TBX20: variants seen among roughly 807,000 people sequenced by gnomAD.
TBX20 encodes the protein T-box transcription factor TBX20.
A neutral mutation model predicts 42.9 loss-of-function variants in TBX20; 8 were observed. The observed-to-expected ratio is 0.19, with a 90% CI of 0.11 to 0.34. The LOEUF is 0.34. Ranked by LOEUF, TBX20 falls within the 10% of genes least tolerant of loss-of-function variation. The pLI is 1.00. For synonymous variants in TBX20, 198 were observed against 222.8 expected, an observed-to-expected ratio of 0.89 and a Z score of 0.99; for missense variants, 411 against 566.0, an observed-to-expected ratio of 0.73 and a Z score of 2.78.
At chr7:35,244,144 C>T (rs17606698) in intron 4 of TBX20, among the ~76,000 whole-genome samples, 55,492 of 151,926 alleles carry the variant, frequency 0.37, 10,483 homozygotes, top group Admixed American at 0.46. Context: ...TATGGAAGTC[C>T]ATCTAAAGTT....
At chr7:35,221,227 G>A (rs1273786998) in intron 6 of TBX20, among the ~76,000 whole-genome samples, 1 of 148,410 alleles carries the variant, frequency 6.7e-6, no homozygotes, top group Non-Finnish European at 1.5e-5. Context: ...CGTTGAGGGA[G>A]GAGAAGTACA....
chr7:35,209,897 T>C (rs2128710446), intron 6 of TBX20, among the ~76,000 whole-genome samples: 1 of 152,320 alleles, frequency 6.6e-6, no homozygotes, highest in East Asian at 1.9e-4. Flanking sequence ...CCTCTTGATG[T>C]CTTCCTTCCC....
chr7:35,221,894 A>C (rs1789689975), intron 6 of TBX20, among the ~76,000 whole-genome samples: 1 of 152,214 alleles, frequency 6.6e-6, no homozygotes, highest in Non-Finnish European at 1.5e-5. Context: ...AGATGATAAG[A>C]AAGACCAAGG....
chr7:35,247,241 TAA>T (rs1790211133), intron 3 of TBX20, among the ~76,000 whole-genome samples: 1 of 151,542 alleles, frequency 6.6e-6, no homozygotes, highest in Admixed American at 6.6e-5. Flanking sequence ...CTCTCAGGTT[TAA>T]AACGGTATTG....
At chr7:35,224,094 A>T (rs1789729070) in intron 6 of TBX20, among the ~76,000 whole-genome samples, 1 of 152,252 alleles carries the variant, frequency 6.6e-6, no homozygotes, top group South Asian at 2.1e-4. Context: ...AGACTAAAAA[A>T]GTTGTTAAAG....
At chr7:35,210,125 T>G (rs1408763250) in intron 6 of TBX20, among the ~76,000 whole-genome samples, 15 of 149,660 alleles carry the variant, frequency 1.0e-4, no homozygotes, top group Admixed American at 1.0e-3. Context: ...TTTTTTTTTT[T>G]TTTTTTTGAG....
intron 1 of TBX20, among the ~76,000 whole-genome samples, chr7:35,252,142 G>A (rs1050513965): frequency 3.3e-5 from 5 of 152,288 alleles, no homozygotes; most frequent in African/African-American, 4.8e-5. Context: ...CACTTCTGTC[G>A]GGAATCCTCT....
chr7:35,231,783 G>T (rs1301875309), intron 5 of TBX20, among the ~76,000 whole-genome samples: 1 of 152,192 alleles, frequency 6.6e-6, no homozygotes, highest in Admixed American at 6.5e-5. Context: ...CAGAGAGGAG[G>T]TATTGAGGAC....
chr7:35,226,850 CCTT>C (rs1584348402), intron 6 of TBX20, among the ~76,000 whole-genome samples: 2 of 151,910 alleles, frequency 1.3e-5, no homozygotes, highest in African/African-American at 4.8e-5. Flanking sequence ...ACGGTGTACT[CCTT>C]CTACTTATCA....
intron 6 of TBX20, among the ~76,000 whole-genome samples, chr7:35,208,782 A>G (rs1263538137): frequency 2.5e-5 from 3 of 119,920 alleles, no homozygotes; most frequent in African/African-American, 6.2e-5. Flanking sequence ...AAAAAAAAAA[A>G]GAACAGACAT....
intron 5 of TBX20, among the ~76,000 whole-genome samples, chr7:35,234,659 C>T (rs1025475023): frequency 6.6e-6 from 1 of 151,700 alleles, no homozygotes; most frequent in Non-Finnish European, 1.5e-5. Flanking sequence ...TCTTATACAC[C>T]CAGATTTACC....
intron 3 of TBX20, 92 bp downstream of exon 3, chr7:35,248,585 T>TA: frequency 6.9e-7 from 1 of 1,457,466 alleles, no homozygotes; most frequent in Non-Finnish European, 9.6e-7. Flanking sequence ...CCCGCTGCTT[T>TA]AAAAATACAC....
chr7:35,250,790 G>T (rs184544025), intron 1 of TBX20, among the ~76,000 whole-genome samples: 1 of 152,302 alleles, frequency 6.6e-6, no homozygotes, highest in Non-Finnish European at 1.5e-5. Context: ...CTCTGTGCCT[G>T]ACTTTCAGTT....
chr7:35,215,477 G>C (rs1408468245), intron 6 of TBX20, among the ~76,000 whole-genome samples: 2 of 152,152 alleles, frequency 1.3e-5, no homozygotes, highest in Non-Finnish European at 2.9e-5. Context: ...CCTGAAAAAT[G>C]AGAATGGCTC....
At chr7:35,215,514 T>C (rs930397373) in intron 6 of TBX20, among the ~76,000 whole-genome samples, 3 of 152,186 alleles carry the variant, frequency 2.0e-5, no homozygotes, top group African/African-American at 7.2e-5. Context: ...GATTTAGGTA[T>C]CACAAGCTAA....
intron 6 of TBX20, among the ~76,000 whole-genome samples, chr7:35,229,972 G>A (rs1414999444): frequency 1.3e-5 from 2 of 152,078 alleles, no homozygotes; most frequent in East Asian, 3.9e-4. Flanking sequence ...GCAGAGGTGA[G>A]ACTCTAAGCC....
intron 1 of TBX20, among the ~76,000 whole-genome samples, chr7:35,251,718 T>C (rs1790309126): frequency 6.6e-6 from 1 of 152,196 alleles, no homozygotes; most frequent in Admixed American, 6.5e-5. Flanking sequence ...ATAGACTTTG[T>C]ATGTTTAAAA....
chr7:35,219,840 A>G (rs972505501), intron 6 of TBX20, among the ~76,000 whole-genome samples: 1 of 152,186 alleles, frequency 6.6e-6, no homozygotes, highest in Non-Finnish European at 1.5e-5. Flanking sequence ...TTCCTCACCT[A>G]AACTAATAGA....
intron 5 of TBX20, among the ~76,000 whole-genome samples, chr7:35,233,051 C>T (rs1336722050): frequency 1.3e-5 from 2 of 152,082 alleles, no homozygotes; most frequent in Non-Finnish European, 2.9e-5. Flanking sequence ...AATACTCTTG[C>T]CAAAAAGCAA....
Sources: allele counts gnomAD v4.1 joint callset (sites outside exome capture counted in the v4.1 genomes callset), GRCh38; gene constraint gnomAD v4.1.1; transcripts MANE v1.5; gene names NCBI Gene and HGNC (gene_info 2026-07-23, HGNC 2026-07-21).